PPP2R2B: variants seen among roughly 807,000 people sequenced by gnomAD.
The protein encoded by PPP2R2B is protein phosphatase 2 regulatory subunit Bbeta, also known as serine/threonine-protein phosphatase 2A 55 kDa regulatory subunit B beta isoform.
PPP2R2B carries 5 observed loss-of-function variants against 46.0 expected under a neutral mutation model. The ratio of observed to expected loss-of-function variants is 0.11; its 90% CI spans 0.06 to 0.23. The LOEUF (loss-of-function observed/expected upper bound fraction) is 0.23, where lower values mean the gene tolerates loss of function less well. Ranked by LOEUF, PPP2R2B falls within the 10% of genes least tolerant of loss-of-function variation. The pLI, the probability that PPP2R2B is intolerant of heterozygous loss-of-function variation, is 1.00. For synonymous variants in PPP2R2B, 215 were observed against 206.7 expected (o/e 1.04, Z -0.34); for missense variants, 367 against 575.0 (o/e 0.64, Z 3.70).
rs562436388 is a variant in PPP2R2B at position 146,843,458 on chromosome 5, T to C, written c.70+34544A>G. On this transcript the variant is annotated intron_variant, in intron 2 of 9. Coordinates refer to ENST00000394411, the MANE Select transcript of PPP2R2B (RefSeq NM_181675.4). Reference sequence around the variant, plus strand: ...TTCAAATAGCCCCAAAGGGAACTTATTCCCAATGAGCTTAGATCTTATTTT... The same window carrying C: ...TTCAAATAGCCCCAAAGGGAACTTACTCCCAATGAGCTTAGATCTTATTTT... 4.3e-4 allele frequency among the ~76,000 whole-genome samples: 65 copies of C among 152,352 alleles called. 2 individuals are homozygous for C. The South Asian group carries it at 0.013, about 31-fold the overall frequency.
chr5:146,965,224 G>A (rs1357609742), intron 1 of PPP2R2B, among the ~76,000 whole-genome samples: 1 of 152,066 alleles, frequency 6.6e-6, no homozygotes, highest in Non-Finnish European at 1.5e-5. Flanking sequence ...GAAAATTTAA[G>A]CCATATGTTT....
intron 7 of PPP2R2B, 68 bp from the exon 8 acceptor site, chr5:146,600,528 T>G: frequency 6.6e-7 from 1 of 1,507,318 alleles, no homozygotes; most frequent in South Asian, 1.2e-5. Flanking sequence ...ATGTTTGGAC[T>G]GGCTAGGAAG....
intron 2 of PPP2R2B, among the ~76,000 whole-genome samples, chr5:146,727,303 GT>G (rs11464005): frequency 1.6e-4 from 23 of 147,190 alleles, no homozygotes; most frequent in African/African-American, 3.7e-4. Flanking sequence ...TATGAGAGGT[GT>G]TTTTTTTTTA....
intron 2 of PPP2R2B, among the ~76,000 whole-genome samples, chr5:146,770,123 G>T (rs1754751324): frequency 6.6e-6 from 1 of 151,986 alleles, no homozygotes; most frequent in Non-Finnish European, 1.5e-5. Flanking sequence ...GAGGTCAGCA[G>T]TTCGAGACCA....
At chr5:146,687,237 T>A (rs528876397) in intron 5 of PPP2R2B, among the ~76,000 whole-genome samples, 1 of 152,258 alleles carries the variant, frequency 6.6e-6, no homozygotes. Flanking sequence ...TGATTTTTAG[T>A]CCCAGTCCTG....
chr5:146,642,490 C>T (rs1311043128), intron 6 of PPP2R2B, among the ~76,000 whole-genome samples: 2 of 152,146 alleles, frequency 1.3e-5, no homozygotes, highest in East Asian at 1.9e-4. Flanking sequence ...ATATACAGAA[C>T]AAGGAAGTGA....
chr5:146,751,352 C>A (rs1274243558), intron 2 of PPP2R2B: 1 of 152,186 alleles, frequency 6.6e-6, no homozygotes, highest in Non-Finnish European at 1.5e-5. Context: ...AATTGCAAAG[C>A]TAAAGCTTTC....
intron 2 of PPP2R2B, among the ~76,000 whole-genome samples, chr5:146,823,603 C>G (rs1369810609): frequency 6.6e-6 from 1 of 152,094 alleles, no homozygotes; most frequent in Non-Finnish European, 1.5e-5. Flanking sequence ...TAAAAATTAT[C>G]TGGTAACCTC....
chr5:146,999,629 A>G (rs1318791645), intron 1 of PPP2R2B, among the ~76,000 whole-genome samples: 1 of 152,186 alleles, frequency 6.6e-6, no homozygotes, highest in Non-Finnish European at 1.5e-5. Context: ...GTATGACACC[A>G]GGAATAAACA....
In PPP2R2B at chr5:146,588,461, A is replaced by T. The variant is rs1189322390; in HGVS notation, c.*1486T>A. On this transcript the variant is annotated 3_prime_UTR_variant, in exon 10 of 10. Coordinates refer to ENST00000394411, the MANE Select transcript of PPP2R2B (RefSeq NM_181675.4). ...AAGAAAATTTCCCTTTCATTGAAAA[A>T]CTCTCATCTCAAACCATTTACCCTG... The T allele has an allele frequency of 6.6e-6, 1 of 151,860 alleles. No individual in the cohort carries two copies. The highest frequency in any genetic ancestry group is 1.5e-5 in the Non-Finnish European group (1 of 67,966). The allele number at this position is 151,860 out of a possible 1,614,324, so 9.4% of individuals were successfully genotyped here.
At position 146,584,460 on chromosome 5, in the gene PPP2R2B, A is replaced by C. The variant is rs1770040561; in HGVS notation, c.*5487T>G. 6.6e-6 allele frequency: 1 copy of C among 152,214 alleles called. No homozygotes were observed. The highest frequency in any genetic ancestry group is 6.5e-5 in the Admixed American group (1 of 15,282). The allele number at this position is 152,214 out of a possible 1,614,324, so 9.4% of individuals were successfully genotyped here. A position where few individuals can be genotyped will look rare whatever the true frequency, so the allele number is the denominator to read the frequency against. On this transcript the variant is annotated 3_prime_UTR_variant, in exon 10 of 10. Transcript: ENST00000394411. ...AGTATCCACGCTAGGGAAAATAATC[A>C]AGCCAAGGTAACTCTGCATTACCAA...
At chr5:146,688,438 C>T (rs549392536) in intron 5 of PPP2R2B, among the ~76,000 whole-genome samples, 1 of 152,076 alleles carries the variant, frequency 6.6e-6, no homozygotes, top group South Asian at 2.1e-4. Flanking sequence ...TCTGGGCCTC[C>T]TCTCTGGAGT....
intron 5 of PPP2R2B, among the ~76,000 whole-genome samples, chr5:146,680,767 A>G (rs1778117087): frequency 6.6e-6 from 1 of 152,218 alleles, no homozygotes; most frequent in Non-Finnish European, 1.5e-5. Context: ...CACAACAACA[A>G]ATTACAAGAG....
intron 1 of PPP2R2B, among the ~76,000 whole-genome samples, chr5:146,935,048 G>T (rs552060359): frequency 6.6e-6 from 1 of 152,196 alleles, no homozygotes; most frequent in East Asian, 1.9e-4. Context: ...TTAGTTTCTA[G>T]GCATTGAAGA....
intron 5 of PPP2R2B, among the ~76,000 whole-genome samples, chr5:146,688,014 C>T (rs1057256448): frequency 8.5e-5 from 13 of 152,124 alleles, no homozygotes; most frequent in African/African-American, 2.9e-4. Context: ...CACGTCAGCT[C>T]ATTCTCTGTT....
chr5:147,077,717 A>G (rs2151913558), intron 2 of PPP2R2B, among the ~76,000 whole-genome samples: 1 of 152,250 alleles, frequency 6.6e-6, no homozygotes, highest in African/African-American at 2.4e-5. Flanking sequence ...TGTGTTTGTG[A>G]CCAACCTAAT....
At chr5:146,991,187 G>T (rs909140427) in intron 1 of PPP2R2B, among the ~76,000 whole-genome samples, 1 of 152,090 alleles carries the variant, frequency 6.6e-6, no homozygotes, top group Non-Finnish European at 1.5e-5. Flanking sequence ...ATTAAAAATA[G>T]AGCTACCATA....
intron 6 of PPP2R2B, among the ~76,000 whole-genome samples, chr5:146,643,177 C>A (rs977483201): frequency 6.6e-6 from 1 of 151,096 alleles, no homozygotes; most frequent in African/African-American, 2.5e-5. Flanking sequence ...ATATTACACA[C>A]ACACACGAGA....
At chr5:146,710,488 T>C (rs999419189) in intron 2 of PPP2R2B, among the ~76,000 whole-genome samples, 3 of 152,196 alleles carry the variant, frequency 2.0e-5, no homozygotes, top group Admixed American at 6.5e-5. Flanking sequence ...AATTTTCCCA[T>C]AGTTGGAACA....
Sources: allele counts gnomAD v4.1 joint callset (sites outside exome capture counted in the v4.1 genomes callset), GRCh38; gene constraint gnomAD v4.1.1; transcripts MANE v1.5; gene names NCBI Gene and HGNC (gene_info 2026-07-23, HGNC 2026-07-21).